The following HSD17B12 variants were observed in gnomAD, a reference collection of about 807,000 sequenced individuals.
HSD17B12 encodes very-long-chain 3-oxoacyl-CoA reductase.
Under a neutral mutation model 39.3 loss-of-function variants are expected in HSD17B12, and 32 were observed. The observed-to-expected ratio is 0.81, with a 90% confidence interval of 0.61 to 1.09. HSD17B12 has a LOEUF of 1.09. HSD17B12 is among the 50% of genes least tolerant of loss of function. HSD17B12 has a pLI of 0.00. For synonymous variants in HSD17B12, 150 were observed against 146.7 expected, an observed-to-expected ratio of 1.02 and a Z score of -0.16; for missense variants, 342 against 382.9, an observed-to-expected ratio of 0.89 and a Z score of 0.89.
the HSD17B12 span, among the ~76,000 whole-genome samples, chr11:43,654,039 C>T: frequency 6.6e-6 from 1 of 152,096 alleles, no homozygotes; most frequent in Non-Finnish European, 1.5e-5. Flanking sequence ...TATTTCTCCA[C>T]ATCCTCTTCA....
chr11:43,633,368 C>T, the HSD17B12 span, among the ~76,000 whole-genome samples: 1 of 151,944 alleles, frequency 6.6e-6, no homozygotes, highest in East Asian at 1.9e-4. Flanking sequence ...CTCGTCTCTA[C>T]TAAAAATACA....
chr11:43,845,788 T>C (rs2135138930), intron 9 of HSD17B12, among the ~76,000 whole-genome samples: 1 of 152,314 alleles, frequency 6.6e-6, no homozygotes, highest in Middle Eastern at 3.4e-3. Context: ...TACTATTATT[T>C]CCCTTGCACT....
At chr11:43,693,606 T>C (rs910078627) in intron 1 of HSD17B12, among the ~76,000 whole-genome samples, 1 of 152,140 alleles carries the variant, frequency 6.6e-6, no homozygotes, top group Non-Finnish European at 1.5e-5. Context: ...CTGATTATGT[T>C]GATGACACTT....
At chr11:43,717,974 T>G (rs1397078860) in intron 1 of HSD17B12, among the ~76,000 whole-genome samples, 1 of 151,944 alleles carries the variant, frequency 6.6e-6, no homozygotes, top group Admixed American at 6.6e-5. Context: ...CCAGCTCATT[T>G]TTATATTTTT....
At chr11:43,731,982 T>G (rs1405787206) in intron 1 of HSD17B12, among the ~76,000 whole-genome samples, 1 of 152,060 alleles carries the variant, frequency 6.6e-6, no homozygotes, top group Non-Finnish European at 1.5e-5. Context: ...CCAGAACCAC[T>G]CTATATGGTT....
chr11:43,771,758 C>T lies in HSD17B12; in HGVS notation c.283+17637C>T, dbSNP rs758087002. ...CTGGGATTACAGGTGTGAGCCACTG[C>T]GCCTGGCCTCACATTCTTGATAGTC... On this transcript the variant is annotated intron_variant, in intron 3 of 10. Coordinates refer to ENST00000278353, the MANE Select transcript of HSD17B12 (RefSeq NM_016142.3). Among the ~76,000 whole-genome samples, 27 of 152,078 alleles carry T rather than the reference C, an allele frequency of 1.8e-4. 1 individual carries two copies. Among genetic ancestry groups the T allele is most frequent in the Middle Eastern group, 3.4e-3 (1 of 294 alleles).
intron 3 of HSD17B12, among the ~76,000 whole-genome samples, chr11:43,761,459 G>A (rs1950554353): frequency 6.6e-6 from 1 of 152,164 alleles, no homozygotes; most frequent in African/African-American, 2.4e-5. Flanking sequence ...AGCTACTGTT[G>A]CAGCGTAACA....
In HSD17B12 at chr11:43,755,578, A is replaced by G. The variant is rs953098780; in HGVS notation, c.283+1457A>G. The G allele has an allele frequency of 3.9e-5, 6 of 152,222 alleles. No homozygotes were observed. The East Asian group carries it at 1.2e-3, about 29-fold the overall frequency. 9.4% of individuals were successfully genotyped at this position (152,222 alleles called of 1,614,324 possible). Reference sequence around the variant, plus strand: ...TTTTAACTAACTTCTCAGCTAACAGATCGTCCAAATTCTTTCAATGAGAAT... The same window carrying G: ...TTTTAACTAACTTCTCAGCTAACAGGTCGTCCAAATTCTTTCAATGAGAAT... On this transcript the variant is annotated intron_variant, in intron 3 of 10. Coordinates refer to ENST00000278353, the MANE Select transcript of HSD17B12 (RefSeq NM_016142.3).
intron 1 of HSD17B12, among the ~76,000 whole-genome samples, chr11:43,730,008 C>G (rs1376994838): frequency 1.3e-5 from 2 of 149,770 alleles, no homozygotes; most frequent in Non-Finnish European, 1.5e-5. Context: ...ACAGCTCTGA[C>G]TTGACATACT....
chr11:43,614,959 C>T, the HSD17B12 span, among the ~76,000 whole-genome samples: 1 of 151,938 alleles, frequency 6.6e-6, no homozygotes, highest in African/African-American at 2.4e-5. Flanking sequence ...CTTTTTATTG[C>T]TTTTTCTCCC....
chr11:43,720,235 G>A (rs1426297056), intron 1 of HSD17B12, among the ~76,000 whole-genome samples: 1 of 152,048 alleles, frequency 6.6e-6, no homozygotes, highest in Non-Finnish European at 1.5e-5. Flanking sequence ...AATTAAACAG[G>A]TCCTTCTTTA....
the HSD17B12 span, among the ~76,000 whole-genome samples, chr11:43,619,816 T>G: frequency 6.6e-5 from 10 of 152,340 alleles, no homozygotes; most frequent in Admixed American, 5.9e-4. Context: ...TCTTGGAACA[T>G]CTTCCTGTGA....
intron 1 of HSD17B12, among the ~76,000 whole-genome samples, chr11:43,685,251 G>A (rs1949787816): frequency 9.1e-6 from 1 of 109,508 alleles, no homozygotes; most frequent in South Asian, 3.1e-4. Context: ...GGAATGGTGT[G>A]GTTCTCCTCT....
At chr11:43,692,291 A>C (rs570509936) in intron 1 of HSD17B12, among the ~76,000 whole-genome samples, 1 of 152,310 alleles carries the variant, frequency 6.6e-6, no homozygotes, top group Non-Finnish European at 1.5e-5. Context: ...TTCTTCTGAA[A>C]CCTCAAGTGC....
At chr11:43,662,676 T>C in the HSD17B12 span, among the ~76,000 whole-genome samples, 1 of 152,174 alleles carries the variant, frequency 6.6e-6, no homozygotes, top group Admixed American at 6.6e-5. Flanking sequence ...CACAATACAT[T>C]CCCAGAGGAA....
At chr11:43,613,669 G>T in the HSD17B12 span, among the ~76,000 whole-genome samples, 2 of 150,514 alleles carry the variant, frequency 1.3e-5, no homozygotes, top group South Asian at 2.1e-4. Context: ...AGCCTTCCAT[G>T]AATTTTTTTT....
intron 7 of HSD17B12, among the ~76,000 whole-genome samples, chr11:43,837,454 C>G (rs950732163): frequency 4.6e-5 from 7 of 152,068 alleles, no homozygotes; most frequent in Admixed American, 4.6e-4. Flanking sequence ...CACTCCTAAA[C>G]CATAATTCTA....
chr11:43,763,605 G>A (rs1206739076), intron 3 of HSD17B12, among the ~76,000 whole-genome samples: 1 of 133,548 alleles, frequency 7.5e-6, no homozygotes, highest in Non-Finnish European at 1.6e-5. Context: ...TATATATAAG[G>A]TTATCTTATA....
chr11:43,742,487 A>G (rs1384327887), intron 1 of HSD17B12, among the ~76,000 whole-genome samples: 1 of 152,096 alleles, frequency 6.6e-6, no homozygotes, highest in African/African-American at 2.4e-5. Context: ...GTCTTAAATA[A>G]ACAAATTTGA....
Sources: allele counts gnomAD v4.1 joint callset (sites outside exome capture counted in the v4.1 genomes callset), GRCh38; gene constraint gnomAD v4.1.1; transcripts MANE v1.5; gene names NCBI Gene and HGNC (gene_info 2026-07-23, HGNC 2026-07-21).